EYA4: variants seen among roughly 807,000 people sequenced by gnomAD.
The protein encoded by EYA4 is EYA transcriptional coactivator and phosphatase 4.
In EYA4, 31 loss-of-function variants were observed where a neutral mutation model predicts 87.9. The ratio of observed to expected loss-of-function variants is 0.35; its 90% CI spans 0.27 to 0.48. The LOEUF (loss-of-function observed/expected upper bound fraction) is 0.48, where lower values mean the gene tolerates loss of function less well. Ranked by LOEUF, EYA4 falls within the 20% of genes least tolerant of loss-of-function variation. The probability of loss-of-function intolerance (pLI) is 0.99; values close to 1 mark genes in which losing one functional copy is unlikely to be tolerated. For synonymous variants in EYA4, 263 were observed against 270.6 expected, an observed-to-expected ratio of 0.97 and a Z score of 0.28; for missense variants, 678 against 761.4, an observed-to-expected ratio of 0.89 and a Z score of 1.29.
chr6:133,473,691 C>G (rs1040659547), intron 11 of EYA4, among the ~76,000 whole-genome samples: 11 of 151,910 alleles, frequency 7.2e-5, no homozygotes, highest in African/African-American at 2.7e-4. Flanking sequence ...GCACACAGCC[C>G]CTTTGAATTT....
intron 3 of EYA4, among the ~76,000 whole-genome samples, chr6:133,388,105 G>A (rs1205153796): frequency 6.6e-6 from 1 of 152,036 alleles, no homozygotes; most frequent in Non-Finnish European, 1.5e-5. Flanking sequence ...AGTGATAATT[G>A]CAGCTTTAAA....
At chr6:133,373,940 A>T (rs1200731383) in intron 2 of EYA4, among the ~76,000 whole-genome samples, 1 of 152,022 alleles carries the variant, frequency 6.6e-6, no homozygotes, top group Non-Finnish European at 1.5e-5. Context: ...GCATTTTTTA[A>T]AAAGTAATGT....
chr6:133,400,617 G>C (rs1371377628), intron 3 of EYA4, among the ~76,000 whole-genome samples: 2 of 151,986 alleles, frequency 1.3e-5, no homozygotes, highest in Admixed American at 6.6e-5. Context: ...AATAGACATA[G>C]TGTTTGTGCC....
intron 1 of EYA4, among the ~76,000 whole-genome samples, chr6:133,255,279 G>A (rs1775248680): frequency 6.6e-6 from 1 of 151,916 alleles, no homozygotes; most frequent in Admixed American, 6.6e-5. Context: ...ATACAAATAA[G>A]TCATACTTTG....
intron 3 of EYA4, among the ~76,000 whole-genome samples, chr6:133,404,164 T>C (rs1260777227): frequency 6.6e-6 from 1 of 152,144 alleles, no homozygotes; most frequent in Non-Finnish European, 1.5e-5. Flanking sequence ...AGCCCTTTAT[T>C]TGGACTGACT....
intron 13 of EYA4, among the ~76,000 whole-genome samples, chr6:133,501,210 C>T (rs1474459099): frequency 6.6e-6 from 1 of 152,046 alleles, no homozygotes; most frequent in Non-Finnish European, 1.5e-5. Context: ...CACTCATCCT[C>T]ATCACTTCTG....
chr6:133,306,300 G>A (rs1335214467), intron 2 of EYA4, among the ~76,000 whole-genome samples: 1 of 152,076 alleles, frequency 6.6e-6, no homozygotes, highest in Non-Finnish European at 1.5e-5. Context: ...TCACCCCAAG[G>A]GAAAACTATA....
At chr6:133,454,426 G>A (rs549726027) in intron 5 of EYA4, among the ~76,000 whole-genome samples, 4 of 152,304 alleles carry the variant, frequency 2.6e-5, no homozygotes, top group Non-Finnish European at 4.4e-5. Context: ...ATTAGCTAGT[G>A]CTGCCTGAGA....
At chr6:133,434,731 A>G (rs1226426997) in intron 3 of EYA4, among the ~76,000 whole-genome samples, 3 of 152,252 alleles carry the variant, frequency 2.0e-5, no homozygotes, top group Middle Eastern at 3.4e-3. Context: ...TTTGTACATT[A>G]TATCAATGCT....
intron 2 of EYA4, among the ~76,000 whole-genome samples, chr6:133,357,212 A>C (rs1466204734): frequency 1.4e-5 from 2 of 138,494 alleles, no homozygotes; most frequent in African/African-American, 5.5e-5. Flanking sequence ...CGGAGCTTGC[A>C]GTGAGCCGAG....
At chr6:133,290,916 A>G (rs1352953569) in intron 2 of EYA4, among the ~76,000 whole-genome samples, 1 of 152,114 alleles carries the variant, frequency 6.6e-6, no homozygotes, top group Non-Finnish European at 1.5e-5. Context: ...CTCCCTGAAA[A>G]CTGTGGTGAG....
intron 3 of EYA4, among the ~76,000 whole-genome samples, chr6:133,423,257 A>C (rs2128565562): frequency 6.6e-6 from 1 of 152,346 alleles, no homozygotes; most frequent in East Asian, 1.9e-4. Flanking sequence ...TGCAAAATAC[A>C]CAAAAATATA....
intron 2 of EYA4, among the ~76,000 whole-genome samples, chr6:133,294,026 TATA>T (rs1219861361): frequency 2.6e-4 from 3 of 11,744 alleles, no homozygotes; most frequent in Non-Finnish European, 3.7e-4. Context: ...GGTGATTTTA[TATA>T]TATATATATA....
intron 1 of EYA4, among the ~76,000 whole-genome samples, chr6:133,244,069 C>A (rs187422061): frequency 6.6e-6 from 1 of 152,256 alleles, no homozygotes; most frequent in Admixed American, 6.5e-5. Context: ...GCTTTGAAAG[C>A]AACATAATTA....
chr6:133,347,654 G>A (rs1029567793), intron 2 of EYA4, among the ~76,000 whole-genome samples: 2 of 152,082 alleles, frequency 1.3e-5, no homozygotes, highest in Non-Finnish European at 2.9e-5. Context: ...ATTTTTCATG[G>A]ATTATTTTAT....
chr6:133,278,632 C>CT (rs1402879615), intron 2 of EYA4, among the ~76,000 whole-genome samples: 10 of 152,156 alleles, frequency 6.6e-5, no homozygotes, highest in Admixed American at 3.9e-4. Flanking sequence ...TTATATTCGA[C>CT]TCACTTAAAA....
intron 2 of EYA4, among the ~76,000 whole-genome samples, chr6:133,339,704 A>C (rs979603384): frequency 6.6e-6 from 1 of 152,128 alleles, no homozygotes; most frequent in Non-Finnish European, 1.5e-5. Context: ...GTGATTTTTG[A>C]GGTGATAAGA....
At chr6:133,420,044 G>A (rs906612148) in intron 3 of EYA4, among the ~76,000 whole-genome samples, 3 of 152,112 alleles carry the variant, frequency 2.0e-5, no homozygotes, top group Admixed American at 1.3e-4. Context: ...TAGCCATAGA[G>A]GAAAAGCTGT....
rs1314459538 is a variant in EYA4 at position 133,462,656 on chromosome 6, A to G, written c.616A>G (p.Ser206Gly). ...GATGTTGCCAGCCATCAAGACAGAG[A>G]GTGGACTTTCCCAAACTCAGTCCCC... ...GVMLPAIKTESGLSQTQSPLQ... is the reference protein window; with the variant it reads ...GVMLPAIKTEGGLSQTQSPLQ... Residue 206 changes from serine (S) to glycine (G), a missense_variant, in exon 9 of 20, where the codon AGT becomes GGT. Transcript: ENST00000355286. The G allele has an allele frequency of 1.2e-6, 2 of 1,613,908 alleles. No individual in the cohort carries two copies. Among genetic ancestry groups the G allele is most frequent in the Non-Finnish European group, 1.7e-6 (2 of 1,179,942 alleles).
Sources: allele counts gnomAD v4.1 joint callset (sites outside exome capture counted in the v4.1 genomes callset), GRCh38; gene constraint gnomAD v4.1.1; transcripts MANE v1.5; gene names NCBI Gene and HGNC (gene_info 2026-07-23, HGNC 2026-07-21).